ATP10B: variants seen among roughly 807,000 people sequenced by gnomAD.
The protein encoded by ATP10B is phospholipid-transporting ATPase VB.
Under a neutral mutation model 141.2 loss-of-function variants are expected in ATP10B, and 122 were observed. The observed-to-expected ratio is 0.86, with a 90% CI of 0.75 to 1.00. ATP10B has a LOEUF of 1.00. Ranked by LOEUF, ATP10B falls within the 50% of genes least tolerant of loss-of-function variation. ATP10B has a pLI of 0.00. For synonymous variants in ATP10B, 685 were observed against 692.0 expected (o/e 0.99, Z 0.16); for missense variants, 1,876 against 1,825.3 (o/e 1.03, Z -0.51).
intron 3 of ATP10B, among the ~76,000 whole-genome samples, chr5:160,715,781 G>A (rs749321053): frequency 5.3e-5 from 8 of 151,308 alleles, no homozygotes; most frequent in East Asian, 1.9e-4. Context: ...GTGTGGTTTC[G>A]GCTCACTGCA....
chr5:160,901,550 C>T, the ATP10B span, among the ~76,000 whole-genome samples: 7 of 152,006 alleles, frequency 4.6e-5, no homozygotes, highest in African/African-American at 7.3e-5. Flanking sequence ...ATAAACATGC[C>T]GTCAAAGCAA....
intron 7 of ATP10B, among the ~76,000 whole-genome samples, chr5:160,658,889 AT>A (rs1328083546): frequency 6.6e-6 from 1 of 152,166 alleles, no homozygotes; most frequent in African/African-American, 2.4e-5. Context: ...AATAAATTTA[AT>A]TTTTTGTCCA....
chr5:160,738,776 G>C (rs1409725140), intron 2 of ATP10B, among the ~76,000 whole-genome samples: 3 of 152,122 alleles, frequency 2.0e-5, no homozygotes. Context: ...CAGGCACATA[G>C]ATGGCTTCAC....
chr5:160,567,871 A>G (rs905411972), intron 25 of ATP10B, among the ~76,000 whole-genome samples: 4 of 152,222 alleles, frequency 2.6e-5, no homozygotes, highest in Admixed American at 2.6e-4. Context: ...ATAGGAGACT[A>G]CCGAAATAAT....
At chr5:160,753,136 T>C (rs899944497) in intron 2 of ATP10B, among the ~76,000 whole-genome samples, 19 of 152,160 alleles carry the variant, frequency 1.2e-4, no homozygotes, top group Admixed American at 1.2e-3. Flanking sequence ...TTCAAAAAGT[T>C]TGGACCATTT....
intron 6 of ATP10B, among the ~76,000 whole-genome samples, chr5:160,683,040 CAAAAAA>C (rs35571529): frequency 2.2e-3 from 149 of 66,962 alleles, no homozygotes; most frequent in African/African-American, 7.7e-3. Context: ...CTCTGTCCCC[CAAAAAA>C]AAAAAAAAAA....
intron 13 of ATP10B, among the ~76,000 whole-genome samples, 190 bp from the exon 14 acceptor site, chr5:160,622,775 C>A (rs541611489): frequency 5.9e-5 from 9 of 152,176 alleles, no homozygotes; most frequent in Non-Finnish European, 1.3e-4. Flanking sequence ...GCCACATGTC[C>A]ATCCATTACC....
At chr5:160,793,227 T>C (rs1215523263) in intron 1 of ATP10B, among the ~76,000 whole-genome samples, 1 of 151,998 alleles carries the variant, frequency 6.6e-6, no homozygotes, top group African/African-American at 2.4e-5. Context: ...TGCCATACTC[T>C]TTAGGAGCCT....
chr5:160,715,153 G>C (rs1290987583), intron 3 of ATP10B, among the ~76,000 whole-genome samples: 1 of 149,526 alleles, frequency 6.7e-6, no homozygotes, highest in African/African-American at 2.5e-5. Context: ...CAAGTTCGAG[G>C]TTCCCGGCTG....
rs887881533 is a variant in ATP10B, at chr5:160,691,337, C to T, written c.-204-2394G>A. 5.9e-5 allele frequency among the ~76,000 whole-genome samples: 9 copies of T among 152,112 alleles called. 1 individual carries two copies. In the South Asian group the frequency reaches 1.7e-3, roughly 28 times the overall value. ...AAACCTGCACATTCTGCACATATATCCCAGAACTTAAAGTATAATAATGAT... is the reference window on the plus strand; with the variant it reads ...AAACCTGCACATTCTGCACATATATTCCAGAACTTAAAGTATAATAATGAT... On this transcript the variant is annotated intron_variant, in intron 3 of 25. Coordinates refer to ENST00000327245, the MANE Select transcript of ATP10B (RefSeq NM_025153.3).
chr5:160,916,647 A>G, the ATP10B span, among the ~76,000 whole-genome samples: 2 of 152,206 alleles, frequency 1.3e-5, no homozygotes, highest in Non-Finnish European at 2.9e-5. Flanking sequence ...GGAAATGAAA[A>G]GAGATTAAGA....
chr5:160,781,397 G>C (rs961614904), intron 2 of ATP10B, among the ~76,000 whole-genome samples: 5 of 152,096 alleles, frequency 3.3e-5, no homozygotes, highest in Non-Finnish European at 5.9e-5. Context: ...CCAGGAGCCT[G>C]TGGTGTTGTC....
chr5:160,586,353 A>G (rs940592500), intron 24 of ATP10B, among the ~76,000 whole-genome samples: 2 of 151,990 alleles, frequency 1.3e-5, no homozygotes, highest in Non-Finnish European at 2.9e-5. Context: ...GTGTGTGTGT[A>G]CCACATTTTC....
At chr5:160,734,190 T>C (rs905690455) in intron 2 of ATP10B, among the ~76,000 whole-genome samples, 2 of 151,664 alleles carry the variant, frequency 1.3e-5, no homozygotes, top group Non-Finnish European at 1.5e-5. Context: ...ACCTATACTG[T>C]AGTGCATCAG....
intron 22 of ATP10B, among the ~76,000 whole-genome samples, chr5:160,597,290 G>A (rs191091814): frequency 3.9e-5 from 6 of 152,158 alleles, no homozygotes; most frequent in Non-Finnish European, 1.5e-5. Flanking sequence ...AACTAGCAAT[G>A]GGGAAAGGAT....
At position 160,649,220 on chromosome 5, in the gene ATP10B, T is replaced by C; in HGVS notation, c.712A>G (p.Ile238Val). 2 of 1,613,988 alleles carry C rather than the reference T, an allele frequency of 1.2e-6. No homozygotes were observed. The highest frequency in any genetic ancestry group is 1.7e-6 in the Non-Finnish European group (2 of 1,179,918). Residue 238 changes from isoleucine to valine, a missense_variant, in exon 8 of 26, where the codon ATC becomes GTC. Ile to Val is a conservative substitution (Grantham distance 29, BLOSUM62 3). Coordinates refer to ENST00000327245, the MANE Select transcript of ATP10B (RefSeq NM_025153.3). ...QFEPELFHNT[I>V]VCEKPNNHLN... ...TGGTTGTTGGGTTTCTCACACACGA[T>C]GGTATTGTGGAAAAGCTCTGGTTCG...
chr5:160,864,600 T>A, the ATP10B span, among the ~76,000 whole-genome samples: 3 of 150,908 alleles, frequency 2.0e-5, no homozygotes, highest in East Asian at 2.0e-4. Context: ...AAAAAAAAAA[T>A]AAAGAGTATC....
chr5:160,625,506 A>G (rs1758564749), intron 13 of ATP10B, among the ~76,000 whole-genome samples: 2 of 152,178 alleles, frequency 1.3e-5, no homozygotes, highest in South Asian at 4.1e-4. Context: ...GGAGATGTCA[A>G]AGCTAAATCC....
At chr5:160,904,498 G>GGTGT in the ATP10B span, among the ~76,000 whole-genome samples, 44 of 98,660 alleles carry the variant, frequency 4.5e-4, no homozygotes, top group South Asian at 6.1e-3. Context: ...TGTATGTCTG[G>GGTGT]GTGTGCGTGT....
Sources: allele counts gnomAD v4.1 joint callset (sites outside exome capture counted in the v4.1 genomes callset), GRCh38; gene constraint gnomAD v4.1.1; transcripts MANE v1.5; gene names NCBI Gene and HGNC (gene_info 2026-07-23, HGNC 2026-07-21).